LRRC4C: variants seen among roughly 807,000 people sequenced by gnomAD.
The protein encoded by LRRC4C is leucine rich repeat containing 4C.
Under a neutral mutation model 33.6 loss-of-function variants are expected in LRRC4C, and 5 were observed. That is an observed-to-expected ratio of 0.15 (90% confidence interval 0.08 to 0.31). LRRC4C has a LOEUF of 0.31. LRRC4C is among the 10% of genes least tolerant of loss of function. LRRC4C has a pLI of 1.00. For missense variants in LRRC4C, 560 were observed against 796.7 expected, an observed-to-expected ratio of 0.70 and a Z score of 3.58; for synonymous variants, 329 against 302.0, an observed-to-expected ratio of 1.09 and a Z score of -0.93.
chr11:40,202,398 G>A (rs61358104), intron 5 of LRRC4C, among the ~76,000 whole-genome samples: 1 of 151,864 alleles, frequency 6.6e-6, no homozygotes, highest in African/African-American at 2.4e-5. Flanking sequence ...ACAAAGAAAT[G>A]GTGTCAGGTG....
rs1001868739 is a variant in LRRC4C at position 41,123,929 on chromosome 11, G to A, written c.-495-190206C>T. On this transcript the variant is annotated intron_variant, in intron 1 of 6. Transcript: ENST00000528697. ...ATATTAAGTTTGAGATCAACTTAAC[G>A]CCCCATAACATTGTTTCAGTGAACT... Among the ~76,000 whole-genome samples the A allele has an allele frequency of 4.6e-5, 7 of 152,018 alleles. 1 individual carries two copies. Among genetic ancestry groups the A allele is most frequent in the Admixed American group, 4.6e-4 (7 of 15,258 alleles).
intron 2 of LRRC4C, among the ~76,000 whole-genome samples, chr11:40,759,324 A>C (rs1240078159): frequency 6.7e-6 from 1 of 150,000 alleles, no homozygotes; most frequent in East Asian, 2.0e-4. Flanking sequence ...ATGTTCTTAC[A>C]CCATTTACTT....
intron 1 of LRRC4C, among the ~76,000 whole-genome samples, chr11:41,281,082 T>TCTCTTTC (rs1565543911): frequency 1.1e-5 from 1 of 90,858 alleles, no homozygotes; most frequent in African/African-American, 3.8e-5. Context: ...CTCTGTCCTC[T>TCTCTTTC]CTCTCTCTCT....
chr11:40,916,190 T>C (rs1956949092), intron 2 of LRRC4C, among the ~76,000 whole-genome samples: 1 of 152,198 alleles, frequency 6.6e-6, no homozygotes, highest in African/African-American at 2.4e-5. Flanking sequence ...AGTCATCCCA[T>C]TACTGGGTGT....
At chr11:40,362,376 G>A (rs928771043) in intron 3 of LRRC4C, among the ~76,000 whole-genome samples, 1 of 151,988 alleles carries the variant, frequency 6.6e-6, no homozygotes, top group African/African-American at 2.4e-5. Context: ...TGAGAAAGGT[G>A]TAATATCCAG....
chr11:40,638,536 G>A (rs964117689), intron 3 of LRRC4C, among the ~76,000 whole-genome samples: 5 of 151,964 alleles, frequency 3.3e-5, no homozygotes, highest in Non-Finnish European at 5.9e-5. Flanking sequence ...ACAATGCCTC[G>A]GACATAGTAT....
chr11:40,686,117 T>C (rs980663500), intron 2 of LRRC4C, among the ~76,000 whole-genome samples: 1 of 152,060 alleles, frequency 6.6e-6, no homozygotes, highest in Non-Finnish European at 1.5e-5. Flanking sequence ...ACTAAGACTT[T>C]GGGGTTTGAA....
At chr11:40,442,132 C>T (rs1337274161) in intron 3 of LRRC4C, among the ~76,000 whole-genome samples, 2 of 117,284 alleles carry the variant, frequency 1.7e-5, no homozygotes, top group Non-Finnish European at 3.2e-5. Flanking sequence ...CACTGCACTT[C>T]AGCCTGGGTG....
At chr11:40,765,691 G>T (rs1949417293) in intron 2 of LRRC4C, among the ~76,000 whole-genome samples, 1 of 151,598 alleles carries the variant, frequency 6.6e-6, no homozygotes, top group East Asian at 1.9e-4. Flanking sequence ...ATATACTAAA[G>T]ATATATCAGA....
At chr11:40,919,824 G>A (rs935414188) in intron 2 of LRRC4C, among the ~76,000 whole-genome samples, 1 of 151,810 alleles carries the variant, frequency 6.6e-6, no homozygotes, top group African/African-American at 2.4e-5. Flanking sequence ...ATAAAAATTA[G>A]GCCATTGCAA....
intron 1 of LRRC4C, among the ~76,000 whole-genome samples, chr11:41,323,445 C>T (rs1237664899): frequency 1.3e-5 from 2 of 152,212 alleles, no homozygotes; most frequent in African/African-American, 2.4e-5. Context: ...GACAAGGAAT[C>T]ATCACACACT....
intron 1 of LRRC4C, among the ~76,000 whole-genome samples, chr11:41,111,972 C>T (rs745825934): frequency 2.6e-5 from 4 of 151,886 alleles, no homozygotes; most frequent in Non-Finnish European, 4.4e-5. Flanking sequence ...GGTTAGGCAA[C>T]AAGCAAGTTA....
At chr11:40,918,006 A>T (rs1957031172) in intron 2 of LRRC4C, among the ~76,000 whole-genome samples, 1 of 152,126 alleles carries the variant, frequency 6.6e-6, no homozygotes, top group African/African-American at 2.4e-5. Context: ...TTAGAATTCC[A>T]CATTCCTAGA....
intron 2 of LRRC4C, among the ~76,000 whole-genome samples, chr11:40,843,063 G>T (rs1952987176): frequency 6.6e-6 from 1 of 152,112 alleles, no homozygotes; most frequent in Admixed American, 6.6e-5. Flanking sequence ...AATCTCTATT[G>T]AAATTCTAAT....
intron 2 of LRRC4C, among the ~76,000 whole-genome samples, chr11:40,831,711 A>C (rs1024842531): frequency 5.3e-5 from 8 of 152,092 alleles, no homozygotes; most frequent in Non-Finnish European, 1.2e-4. Flanking sequence ...GCAAAGGAGG[A>C]GCAAAGTCAT....
chr11:41,204,012 T>A (rs1433412620), intron 1 of LRRC4C, among the ~76,000 whole-genome samples: 1 of 152,162 alleles, frequency 6.6e-6, no homozygotes, highest in East Asian at 1.9e-4. Flanking sequence ...CAGATCAGAA[T>A]AAGACCTCAT....
At chr11:40,294,551 G>A (rs574349404) in intron 4 of LRRC4C, among the ~76,000 whole-genome samples, 1 of 152,068 alleles carries the variant, frequency 6.6e-6, no homozygotes, top group African/African-American at 2.4e-5. Flanking sequence ...TTGCTTAGCC[G>A]GGCGCGGTGT....
chr11:40,987,664 G>A lies in LRRC4C; in HGVS notation c.-495-53941C>T, dbSNP rs1366792404. On this transcript the variant is annotated intron_variant, in intron 1 of 6. Coordinates refer to ENST00000528697, the MANE Select transcript of LRRC4C (RefSeq NM_001258419.2). ...ATATATATATATATCTCATATATAT[G>A]AGATATAAATGATATATATATATAT... 4.6e-5 allele frequency among the ~76,000 whole-genome samples: 3 copies of A among 64,742 alleles called. 1 individual carries two copies. Among genetic ancestry groups the A allele is most frequent in the African/African-American group, 9.8e-5 (2 of 20,448 alleles). The allele number at this position is 64,742 out of a possible 152,430, so 42.5% of individuals were successfully genotyped here.
chr11:41,123,568 G>A (rs1212625455), intron 1 of LRRC4C, among the ~76,000 whole-genome samples: 1 of 151,932 alleles, frequency 6.6e-6, no homozygotes, highest in Non-Finnish European at 1.5e-5. Flanking sequence ...CACCGCGCCC[G>A]GCCTTTTTTT....
Sources: allele counts gnomAD v4.1 joint callset (sites outside exome capture counted in the v4.1 genomes callset), GRCh38; gene constraint gnomAD v4.1.1; transcripts MANE v1.5; gene names NCBI Gene and HGNC (gene_info 2026-07-23, HGNC 2026-07-21).